Variants in HIP1 observed in about 807,000 individuals in gnomAD.
HIP1 encodes the protein huntingtin-interacting protein 1.
Under a neutral mutation model 147.6 loss-of-function variants are expected in HIP1, and 65 were observed. The ratio of observed to expected loss-of-function variants is 0.44; its 90% CI spans 0.36 to 0.54. The LOEUF (loss-of-function observed/expected upper bound fraction) is 0.54. HIP1 is among the 20% of genes least tolerant of loss of function. The pLI is 0.00. For synonymous variants in HIP1, 479 were observed against 504.0 expected (o/e 0.95, Z 0.67); for missense variants, 1,061 against 1,299.6 (o/e 0.82, Z 2.82).
chr7:75,697,002 T>A (rs1171459780), intron 1 of HIP1, among the ~76,000 whole-genome samples: 1 of 151,820 alleles, frequency 6.6e-6, no homozygotes, highest in African/African-American at 2.4e-5. Flanking sequence ...TTTTTTTTTT[T>A]AATGGTTTGA....
chr7:75,554,596 A>ATTCAGTG, intron 19 of HIP1, 70 bp from the exon 20 acceptor site: 1 of 1,134,856 alleles, frequency 8.8e-7, no homozygotes, highest in Non-Finnish European at 1.3e-6. Context: ...TTAATTAAGC[A>ATTCAGTG]CTGAATGGAG....
chr7:75,546,790 C>T (rs1466715254), intron 25 of HIP1, 149 bp downstream of exon 25: 3 of 610,686 alleles, frequency 4.9e-6, no homozygotes, highest in East Asian at 5.6e-5. Flanking sequence ...TCTGACTTCT[C>T]CCCAGGGCCT....
At chr7:75,694,533 C>T (rs1464905476) in intron 1 of HIP1, among the ~76,000 whole-genome samples, 3 of 131,000 alleles carry the variant, frequency 2.3e-5, no homozygotes, top group African/African-American at 8.8e-5. Context: ...AGGAGGGGGA[C>T]AGGGTCTCAC....
chr7:75,562,462 T>A (rs976294002), intron 11 of HIP1, among the ~76,000 whole-genome samples: 1 of 152,110 alleles, frequency 6.6e-6, no homozygotes, highest in Non-Finnish European at 1.5e-5. Context: ...ATAATTTTTT[T>A]ATTTTAATTT....
At chr7:75,738,371 G>T (rs1467525370) in intron 1 of HIP1, among the ~76,000 whole-genome samples, 2 of 152,144 alleles carry the variant, frequency 1.3e-5, no homozygotes, top group African/African-American at 4.8e-5. Flanking sequence ...GGGGAAGAGA[G>T]GTCCCCTCAC....
At chr7:75,686,616 A>G (rs1800269167) in intron 1 of HIP1, among the ~76,000 whole-genome samples, 1 of 151,912 alleles carries the variant, frequency 6.6e-6, no homozygotes, top group African/African-American at 2.4e-5. Context: ...GGATTTTCTT[A>G]TCAACTGATG....
intron 1 of HIP1, among the ~76,000 whole-genome samples, chr7:75,674,791 G>A (rs1007853465): frequency 7.3e-5 from 11 of 151,110 alleles, no homozygotes; most frequent in African/African-American, 1.9e-4. Context: ...GTGCCAGGCC[G>A]GCTTTTTTTT....
chr7:75,714,705 G>A lies in HIP1; in HGVS notation c.120+24096C>T, dbSNP rs569130214. ...TAACCTTAGGTAATCCACCTGCCTC[G>A]GCCTCCCAAAGTGCTGGGATTACAG... On this transcript the variant is annotated intron_variant, in intron 1 of 30. Transcript: ENST00000336926. Among the ~76,000 whole-genome samples, 7 of 150,774 alleles carry A rather than the reference G, an allele frequency of 4.6e-5. No homozygotes were observed. In the South Asian group the frequency reaches 1.1e-3, roughly 23 times the overall value.
chr7:75,598,834 G>A (rs2117004523), intron 2 of HIP1, among the ~76,000 whole-genome samples: 1 of 152,278 alleles, frequency 6.6e-6, no homozygotes, highest in East Asian at 1.9e-4. Flanking sequence ...AGGAGTTTGA[G>A]GCTGCAGTGA....
rs117331411 is a variant in HIP1, at chr7:75,597,291, T to C, written c.184+1893A>G. The stretch of plus-strand genomic sequence containing the variant: ...ATCACACTAAGCAATGCTGGGCTTC[T>C]CTGGCTATCTAACCTGGAGGGTCGC... On this transcript the variant is annotated intron_variant, in intron 2 of 30. Coordinates refer to ENST00000336926, the MANE Select transcript of HIP1 (RefSeq NM_005338.7). Among the ~76,000 whole-genome samples the C allele has an allele frequency of 8.8e-3, 1,344 of 152,316 alleles. 10 individuals are homozygous for C. The highest frequency in any genetic ancestry group is 0.02 in the Middle Eastern group (6 of 294).
chr7:75,720,471 T>C (rs1395425459), intron 1 of HIP1, among the ~76,000 whole-genome samples: 1 of 152,106 alleles, frequency 6.6e-6, no homozygotes, highest in Non-Finnish European at 1.5e-5. Context: ...TCAAGTTTCT[T>C]CTTAAAAGTT....
At chr7:75,600,307 C>T (rs1260762545) in intron 1 of HIP1, among the ~76,000 whole-genome samples, 10 of 151,716 alleles carry the variant, frequency 6.6e-5, no homozygotes, top group Non-Finnish European at 1.0e-4. Flanking sequence ...GACGGGGTTT[C>T]GCCATGTTGG....
intron 8 of HIP1, among the ~76,000 whole-genome samples, chr7:75,570,168 G>A (rs943615608): frequency 1.5e-4 from 23 of 151,390 alleles, no homozygotes; most frequent in Admixed American, 2.6e-4. Flanking sequence ...TCTTGACCTC[G>A]TGATCCGCCT....
chr7:75,684,175 G>A (rs186032735), intron 1 of HIP1, among the ~76,000 whole-genome samples: 78 of 152,064 alleles, frequency 5.1e-4, no homozygotes, highest in Non-Finnish European at 8.8e-4. Context: ...GGCTGGGCAC[G>A]ATGACTCACA....
chr7:75,714,512 G>T (rs1801257779), intron 1 of HIP1, among the ~76,000 whole-genome samples: 1 of 150,340 alleles, frequency 6.7e-6, no homozygotes, highest in East Asian at 2.0e-4. Context: ...GAGTGCAGTG[G>T]CACAATCTCG....
At chr7:75,604,538 C>T (rs782317849) in intron 1 of HIP1, among the ~76,000 whole-genome samples, 2 of 152,056 alleles carry the variant, frequency 1.3e-5, no homozygotes, top group East Asian at 3.9e-4. Context: ...TGGTGGCATG[C>T]GCCTGTATTC....
chr7:75,735,576 A>G (rs540210834), intron 1 of HIP1, among the ~76,000 whole-genome samples: 1 of 152,222 alleles, frequency 6.6e-6, no homozygotes, highest in African/African-American at 2.4e-5. Context: ...TTGCTTACCA[A>G]GCTCTGCAAC....
intron 1 of HIP1, among the ~76,000 whole-genome samples, chr7:75,664,777 C>A (rs781922925): frequency 6.6e-6 from 1 of 152,002 alleles, no homozygotes; most frequent in African/African-American, 2.4e-5. Flanking sequence ...TGCACCACCA[C>A]GTCCGACTAA....
chr7:75,662,537 G>T (rs184064127), intron 1 of HIP1, among the ~76,000 whole-genome samples: 147 of 152,012 alleles, frequency 9.7e-4, no homozygotes, highest in Non-Finnish European at 1.4e-3. Flanking sequence ...ACAGCGTCTC[G>T]CTCTGTCGCC....
Sources: gnomAD v4.1 joint callset for allele counts (sites outside exome capture counted in the v4.1 genomes callset) on GRCh38, gnomAD v4.1.1 for gene constraint, MANE v1.5 for transcripts, NCBI Gene and HGNC (gene_info 2026-07-23, HGNC 2026-07-21) for gene names.